RNLS: variants seen among roughly 807,000 people sequenced by gnomAD.
RNLS encodes the protein renalase, FAD dependent amine oxidase, also known as renalase.
A neutral mutation model predicts 39.8 loss-of-function variants in RNLS; 39 were observed. The ratio of observed to expected loss-of-function variants is 0.98; its 90% CI spans 0.76 to 1.28. RNLS has a LOEUF of 1.28. RNLS is among the 50% of genes most tolerant of loss of function. The probability of loss-of-function intolerance (pLI) is 0.00; values close to 1 mark genes in which losing one functional copy is unlikely to be tolerated. For synonymous variants in RNLS, 147 were observed against 150.7 expected, an observed-to-expected ratio of 0.98 and a Z score of 0.18; for missense variants, 410 against 413.3, an observed-to-expected ratio of 0.99 and a Z score of 0.07.
At chr10:88,314,751 T>G in intron 5 of RNLS, 110 bp from the exon 6 acceptor site, 1 of 904,214 alleles carries the variant, frequency 1.1e-6, no homozygotes. Flanking sequence ...AAGCAATAAA[T>G]GGAGGAAAAA....
chr10:88,174,158 G>C, the RNLS span, among the ~76,000 whole-genome samples: 3 of 152,012 alleles, frequency 2.0e-5, no homozygotes, highest in South Asian at 6.2e-4. Context: ...GGAGTCTTTA[G>C]AATTTTTTTA....
intron 4 of RNLS, among the ~76,000 whole-genome samples, chr10:88,536,673 G>C (rs1847779567): frequency 6.6e-6 from 1 of 151,950 alleles, no homozygotes; most frequent in Non-Finnish European, 1.5e-5. Flanking sequence ...TCAGAGCCCT[G>C]GCACTTGTTC....
chr10:88,198,336 A>T, the RNLS span, among the ~76,000 whole-genome samples: 2 of 152,172 alleles, frequency 1.3e-5, no homozygotes, highest in Non-Finnish European at 2.9e-5. Context: ...GTTTCTTTTG[A>T]TCAGGGTAGA....
chr10:88,427,200 C>G (rs148101597), intron 4 of RNLS, among the ~76,000 whole-genome samples: 2 of 152,090 alleles, frequency 1.3e-5, no homozygotes, highest in East Asian at 3.9e-4. Flanking sequence ...CCACACTATA[C>G]TCATTATCCC....
At chr10:88,409,035 T>C (rs922936399) in intron 4 of RNLS, among the ~76,000 whole-genome samples, 4 of 152,166 alleles carry the variant, frequency 2.6e-5, no homozygotes, top group African/African-American at 9.6e-5. Flanking sequence ...TGTTACTTTA[T>C]ACCAAATTAT....
intron 4 of RNLS, among the ~76,000 whole-genome samples, chr10:88,466,788 C>A (rs561934246): frequency 6.6e-6 from 1 of 152,228 alleles, no homozygotes; most frequent in East Asian, 1.9e-4. Flanking sequence ...AACTAGGTTG[C>A]ATTTGTTAGA....
At position 88,364,706 on chromosome 10, in the gene RNLS, T is replaced by C. The variant is rs532366606; in HGVS notation, c.527-1981A>G. The stretch of plus-strand genomic sequence containing the variant: ...TCCCTTTAACTATAATTTTCTGCCT[T>C]ATTAAAAGCTGTAACTACTTGATGA... On this transcript the variant is annotated intron_variant, in intron 4 of 6. Transcript: ENST00000331772. Among the ~76,000 whole-genome samples the C allele has an allele frequency of 3.0e-4, 45 of 152,302 alleles. No homozygotes were observed. In the South Asian group the frequency reaches 7.7e-3, roughly 26 times the overall value.
chr10:88,328,026 G>A (rs1193231105), intron 5 of RNLS, among the ~76,000 whole-genome samples: 1 of 152,030 alleles, frequency 6.6e-6, no homozygotes, highest in Non-Finnish European at 1.5e-5. Context: ...CTTGTGCCTC[G>A]CATCCTGAGT....
the RNLS span, among the ~76,000 whole-genome samples, chr10:88,256,779 T>A: frequency 1.3e-5 from 2 of 152,200 alleles, no homozygotes; most frequent in Non-Finnish European, 2.9e-5. Context: ...TGAATATGAT[T>A]CTGGAATTTT....
chr10:88,233,493 CCCT>C, the RNLS span, among the ~76,000 whole-genome samples: 26 of 152,180 alleles, frequency 1.7e-4, no homozygotes, highest in Admixed American at 8.5e-4. Context: ...ACCTGACTTT[CCCT>C]GGGCTTGGGT....
intron 4 of RNLS, among the ~76,000 whole-genome samples, chr10:88,392,488 C>G (rs79093802): frequency 5.5e-4 from 83 of 152,260 alleles, no homozygotes; most frequent in African/African-American, 1.7e-3. Context: ...GCACACAGAG[C>G]CCTTAGGCAA....
At chr10:88,225,674 A>C in the RNLS span, among the ~76,000 whole-genome samples, 1 of 152,090 alleles carries the variant, frequency 6.6e-6, no homozygotes, top group African/African-American at 2.4e-5. Flanking sequence ...TGATCAAACA[A>C]CTGCACTCCA....
intron 4 of RNLS, among the ~76,000 whole-genome samples, chr10:88,473,272 AC>A (rs1843646913): frequency 6.6e-6 from 1 of 152,234 alleles, no homozygotes. Flanking sequence ...TATATCTCAA[AC>A]GGTGAAAATA....
intron 4 of RNLS, among the ~76,000 whole-genome samples, chr10:88,474,729 T>A (rs984954692): frequency 5.3e-5 from 8 of 152,074 alleles, no homozygotes; most frequent in Non-Finnish European, 1.2e-4. Flanking sequence ...GAGCATCTCA[T>A]CTATAAAATT....
At chr10:88,275,020 C>A in exon 7 of RNLS, 4 of 1,613,104 alleles carry the variant, frequency 2.5e-6, no homozygotes, top group East Asian at 2.2e-5. Flanking sequence ...AGAATCACAC[C>A]AGCACTTGGT....
At chr10:88,314,879 G>T (rs1243870391) in intron 5 of RNLS, among the ~76,000 whole-genome samples, 4 of 152,198 alleles carry the variant, frequency 2.6e-5, no homozygotes, top group African/African-American at 9.6e-5. Flanking sequence ...TATTGCTAAA[G>T]AACTGGAAGA....
At chr10:88,359,481 T>C (rs1402449752) in intron 5 of RNLS, among the ~76,000 whole-genome samples, 1 of 152,362 alleles carries the variant, frequency 6.6e-6, no homozygotes, top group Non-Finnish European at 1.5e-5. Context: ...GCAAAGCAGT[T>C]AGATTTTACG....
At chr10:88,204,790 T>C in the RNLS span, among the ~76,000 whole-genome samples, 1 of 152,182 alleles carries the variant, frequency 6.6e-6, no homozygotes, top group Admixed American at 6.5e-5. Flanking sequence ...TCAACTTATT[T>C]TTCCCTTCCC....
At chr10:88,293,951 C>T (rs1038969574) in intron 6 of RNLS, among the ~76,000 whole-genome samples, 3 of 152,128 alleles carry the variant, frequency 2.0e-5, no homozygotes, top group Non-Finnish European at 4.4e-5. Context: ...TCTGCACAAT[C>T]TCTTTTTTAT....
Sources: allele counts gnomAD v4.1 joint callset (sites outside exome capture counted in the v4.1 genomes callset), GRCh38; gene constraint gnomAD v4.1.1; transcripts MANE v1.5; gene names NCBI Gene and HGNC (gene_info 2026-07-23, HGNC 2026-07-21).